LY96: variants seen among roughly 807,000 people sequenced by gnomAD.
LY96 encodes myeloid differentiation protein-2.
Under a neutral mutation model 18.9 loss-of-function variants are expected in LY96, and 18 were observed. That is an observed-to-expected ratio of 0.95 (90% CI 0.66 to 1.41). The LOEUF (loss-of-function observed/expected upper bound fraction) is 1.41. LY96 is among the 40% of genes most tolerant of loss of function. The pLI, the probability that LY96 is intolerant of heterozygous loss-of-function variation, is 0.00. For synonymous variants in LY96, 66 were observed against 62.6 expected, an observed-to-expected ratio of 1.06 and a Z score of -0.26; for missense variants, 175 against 182.4, an observed-to-expected ratio of 0.96 and a Z score of 0.23.
the LY96 span, among the ~76,000 whole-genome samples, chr8:74,078,991 T>A: frequency 2.6e-5 from 4 of 152,208 alleles, no homozygotes; most frequent in Non-Finnish European, 4.4e-5. Flanking sequence ...TAAGGGATGC[T>A]CAGATAGCTG....
chr8:74,033,679 G>T (rs1353702838), downstream of LY96, among the ~76,000 whole-genome samples: 1 of 152,188 alleles, frequency 6.6e-6, no homozygotes, highest in Non-Finnish European at 1.5e-5. Flanking sequence ...TGTTTGGAAG[G>T]CTGCTGCTGT....
At chr8:74,081,146 T>TTCCTTCC in the LY96 span, among the ~76,000 whole-genome samples, 2 of 78,000 alleles carry the variant, frequency 2.6e-5, no homozygotes, top group African/African-American at 9.8e-5. Context: ...TCCTTCCTTC[T>TTCCTTCC]TTCTTTCTTT....
At chr8:74,062,754 C>A in the LY96 span, among the ~76,000 whole-genome samples, 1 of 152,112 alleles carries the variant, frequency 6.6e-6, no homozygotes, top group Non-Finnish European at 1.5e-5. Context: ...TTGCTAATAT[C>A]CTTAGTTTAC....
chr8:74,096,773 A>T, the LY96 span, among the ~76,000 whole-genome samples: 1 of 152,214 alleles, frequency 6.6e-6, no homozygotes, highest in East Asian at 1.9e-4. Context: ...TGTTTGTTGA[A>T]TGAATGAAAG....
At chr8:74,057,791 C>T in the LY96 span, among the ~76,000 whole-genome samples, 1 of 152,214 alleles carries the variant, frequency 6.6e-6, no homozygotes, top group African/African-American at 2.4e-5. Context: ...TGCAATTTTA[C>T]TCTAACAGCT....
the LY96 span, among the ~76,000 whole-genome samples, chr8:74,071,133 C>T: frequency 6.6e-6 from 1 of 152,116 alleles, no homozygotes; most frequent in Non-Finnish European, 1.5e-5. Context: ...GGCAGCTGGA[C>T]TCCAGAACGT....
intron 3 of LY96, among the ~76,000 whole-genome samples, chr8:74,020,392 A>G (rs1395788952): frequency 6.6e-6 from 1 of 152,250 alleles, no homozygotes; most frequent in Non-Finnish European, 1.5e-5. Context: ...AAGGAGAATT[A>G]CAAACCACTG....
chr8:74,042,564 TA>T, the LY96 span, among the ~76,000 whole-genome samples: 3 of 152,152 alleles, frequency 2.0e-5, no homozygotes, highest in Admixed American at 2.0e-4. Flanking sequence ...TCTGCTTTTT[TA>T]CACAAGAGCA....
chr8:74,054,235 C>T, the LY96 span, among the ~76,000 whole-genome samples: 1 of 152,120 alleles, frequency 6.6e-6, no homozygotes, highest in Non-Finnish European at 1.5e-5. Flanking sequence ...CCACATTGGT[C>T]AGGTTAGTCT....
downstream of LY96, among the ~76,000 whole-genome samples, chr8:74,031,285 C>T (rs1424734124): frequency 6.6e-6 from 1 of 152,054 alleles, no homozygotes; most frequent in Non-Finnish European, 1.5e-5. Flanking sequence ...AAACTCTGCT[C>T]CAAAATAACA....
chr8:74,049,877 G>C, the LY96 span, among the ~76,000 whole-genome samples: 3 of 152,308 alleles, frequency 2.0e-5, no homozygotes, highest in Admixed American at 6.5e-5. Context: ...GTGGAGCCCG[G>C]CATCGTGGTG....
At chr8:74,050,013 AT>A in the LY96 span, among the ~76,000 whole-genome samples, 1 of 151,830 alleles carries the variant, frequency 6.6e-6, no homozygotes, top group Non-Finnish European at 1.5e-5. Flanking sequence ...GCAGGACTCC[AT>A]TTTTTAAATA....
the LY96 span, among the ~76,000 whole-genome samples, chr8:74,078,355 G>A: frequency 6.6e-6 from 1 of 152,180 alleles, no homozygotes; most frequent in Non-Finnish European, 1.5e-5. Context: ...CAGGAAGATT[G>A]TAAGACAGGA....
At chr8:74,088,143 T>TAGAATAGAATAGAATAGAATAGAAA in the LY96 span, among the ~76,000 whole-genome samples, 5 of 139,076 alleles carry the variant, frequency 3.6e-5, no homozygotes, top group African/African-American at 5.4e-5. Context: ...TAGAATAGAA[T>TAGAATAGAATAGAATAGAATAGAAA]AGAATAGAAA....
At chr8:74,014,038 T>G (rs749379952) in intron 3 of LY96, among the ~76,000 whole-genome samples, 20 of 151,890 alleles carry the variant, frequency 1.3e-4, no homozygotes, top group Non-Finnish European at 2.6e-4. Flanking sequence ...CCATGAGGGC[T>G]GAACGAGACG....
chr8:74,084,399 A>G, the LY96 span, among the ~76,000 whole-genome samples: 1 of 152,202 alleles, frequency 6.6e-6, no homozygotes, highest in Non-Finnish European at 1.5e-5. Flanking sequence ...GGTCTGGAAG[A>G]GAAACTTCTC....
rs1816131125 is a variant in LY96, at chr8:73,996,364, CCTTCATTCCTTT to C, written c.112+4814_112+4825del. Among the ~76,000 whole-genome samples, 74 of 89,414 alleles carry C rather than the reference CCTTCATTCCTTT, an allele frequency of 8.3e-4. No homozygotes were observed. The Middle Eastern group carries it at 0.021, about 25-fold the overall frequency. The allele number at this position is 89,414 out of a possible 152,430, so 58.7% of individuals were successfully genotyped here. A position where few individuals can be genotyped will look rare whatever the true frequency, so the allele number is the denominator to read the frequency against. On this transcript the variant is annotated intron_variant, in intron 1 of 4. Transcript: ENST00000284818. ...TCCTTCCTTCCTTCCTTCCTTCCTTCCTTCATTCCTTTCTTTCTTTCTTTCTTTCTTTCTTTC... is the reference window on the plus strand; with the variant it reads ...TCCTTCCTTCCTTCCTTCCTTCCTTCCTTTCTTTCTTTCTTTCTTTCTTTC...
chr8:74,073,725 G>C, the LY96 span, among the ~76,000 whole-genome samples: 4 of 151,784 alleles, frequency 2.6e-5, no homozygotes, highest in Non-Finnish European at 5.9e-5. Context: ...GTACGGTGGC[G>C]CAATCTCAGC....
intron 3 of LY96, among the ~76,000 whole-genome samples, chr8:74,013,706 A>G (rs1175554155): frequency 1.3e-5 from 2 of 152,196 alleles, no homozygotes; most frequent in Non-Finnish European, 2.9e-5. Flanking sequence ...GTGAGGGGGA[A>G]AAACATTCCC....
Sources: gnomAD v4.1 joint callset for allele counts (sites outside exome capture counted in the v4.1 genomes callset) on GRCh38, gnomAD v4.1.1 for gene constraint, MANE v1.5 for transcripts, NCBI Gene and HGNC (gene_info 2026-07-23, HGNC 2026-07-21) for gene names.